ALK: variants seen among roughly 807,000 people sequenced by gnomAD.
ALK encodes the protein ALK tyrosine kinase receptor.
A neutral mutation model predicts 163.1 loss-of-function variants in ALK; 74 were observed. That is an observed-to-expected ratio of 0.45 (90% CI 0.38 to 0.55). ALK has a LOEUF of 0.55. ALK is among the 20% of genes least tolerant of loss of function. The pLI is 0.00. For missense variants in ALK, 2,063 were observed against 2,105.3 expected, an observed-to-expected ratio of 0.98 and a Z score of 0.39; for synonymous variants, 960 against 843.2, an observed-to-expected ratio of 1.14 and a Z score of -2.40.
chr2:29,768,281 G>T (rs1680918895), intron 1 of ALK, among the ~76,000 whole-genome samples: 1 of 152,210 alleles, frequency 6.6e-6, no homozygotes, highest in Admixed American at 6.5e-5. Context: ...TTAGAATTCT[G>T]GGTAAACGGG....
At chr2:29,782,375 A>T (rs1460936189) in intron 1 of ALK, among the ~76,000 whole-genome samples, 1 of 152,110 alleles carries the variant, frequency 6.6e-6, no homozygotes. Flanking sequence ...ATGGTCCCCA[A>T]GCTGGTCAGC....
chr2:29,220,640 T>C (rs2148166091), intron 23 of ALK, 66 bp downstream of exon 23: 1 of 1,609,526 alleles, frequency 6.2e-7, no homozygotes, highest in Non-Finnish European at 8.5e-7. Context: ...CTGCCCACTC[T>C]TGCTCCTTCC....
rs1436186209 is a variant in ALK at position 29,906,954 on chromosome 2, T to TG, written c.667+13038_667+13039insC. 6.1e-3 allele frequency among the ~76,000 whole-genome samples: 862 copies of TG among 141,598 alleles called. 7 individuals are homozygous for TG. The highest frequency in any genetic ancestry group is 0.021 in the African/African-American group (801 of 38,178). 92.9% of individuals were successfully genotyped at this position (141,598 alleles called of 152,430 possible). A position where few individuals can be genotyped will look rare whatever the true frequency, so the allele number is the denominator to read the frequency against. Reference sequence around the variant, plus strand: ...CATTTAAGGTTTTTTTTTTTTTTTTTTTTTTTTTTTTTTGAGACAGAATCT... The same window carrying TG: ...CATTTAAGGTTTTTTTTTTTTTTTTTGTTTTTTTTTTTTTGAGACAGAATCT... On this transcript the variant is annotated intron_variant, in intron 1 of 28. Transcript: ENST00000389048.
chr2:29,455,900 C>T (rs1670938852), intron 4 of ALK, among the ~76,000 whole-genome samples: 1 of 152,240 alleles, frequency 6.6e-6, no homozygotes, highest in African/African-American at 2.4e-5. Context: ...TGTGGTTTTC[C>T]CGAGGTCCCT....
At position 29,246,858 on chromosome 2, in the gene ALK, C is replaced by T. The variant is rs549927259; in HGVS notation, c.2204+4247G>A. Among the ~76,000 whole-genome samples the T allele has an allele frequency of 6.6e-6, 1 of 152,300 alleles. No individual in the cohort carries two copies. Among genetic ancestry groups the T allele is most frequent in the South Asian group, 2.1e-4 (1 of 4,820 alleles). ...CCAGGCCGTTTCTCTCACTTCCACC[C>T]TCATGCTTTCACCAGGGGGAGCGAG... On this transcript the variant is annotated intron_variant, in intron 12 of 28. Coordinates refer to ENST00000389048, the MANE Select transcript of ALK (RefSeq NM_004304.5). The surrounding 1 kb of genome is among the most constrained non-coding windows in gnomAD (Gnocchi z 4.3).
intron 1 of ALK, among the ~76,000 whole-genome samples, chr2:29,901,338 T>C (rs1359958010): frequency 6.6e-6 from 1 of 152,252 alleles, no homozygotes; most frequent in African/African-American, 2.4e-5. Context: ...TCTGAGGTCA[T>C]GTCTGATATT....
intron 8 of ALK, among the ~76,000 whole-genome samples, chr2:29,316,684 C>T (rs189937949): frequency 3.3e-5 from 5 of 152,274 alleles, no homozygotes; most frequent in Admixed American, 3.3e-4. Flanking sequence ...TTTCTAGGTA[C>T]CTGCTCTCAG....
At chr2:29,396,361 G>A (rs1007496875) in intron 4 of ALK, among the ~76,000 whole-genome samples, 4 of 152,244 alleles carry the variant, frequency 2.6e-5, no homozygotes, top group African/African-American at 7.2e-5. Flanking sequence ...TCTACACCCC[G>A]TGTCAGGAAT....
chr2:29,415,415 A>G (rs893322920), intron 4 of ALK, among the ~76,000 whole-genome samples: 2 of 151,884 alleles, frequency 1.3e-5, no homozygotes, highest in African/African-American at 2.4e-5. Flanking sequence ...TCTCTAATCC[A>G]CTGTCTTCTG....
At chr2:29,489,212 G>A (rs943147885) in intron 4 of ALK, among the ~76,000 whole-genome samples, 6 of 152,154 alleles carry the variant, frequency 3.9e-5, no homozygotes, top group Non-Finnish European at 8.8e-5. Flanking sequence ...CCTAAGGCTT[G>A]GCATGATGTC....
intron 3 of ALK, among the ~76,000 whole-genome samples, chr2:29,601,490 G>A (rs777263257): frequency 9.9e-5 from 15 of 152,180 alleles, no homozygotes; most frequent in African/African-American, 3.1e-4. Flanking sequence ...GTAACAAAGG[G>A]AAGCAGGTGC....
chr2:29,322,266 C>T (rs1255862599), intron 6 of ALK, among the ~76,000 whole-genome samples: 3 of 152,186 alleles, frequency 2.0e-5, no homozygotes, highest in Non-Finnish European at 4.4e-5. Flanking sequence ...TACTCATTTC[C>T]CCCAGATTCT....
intron 12 of ALK, among the ~76,000 whole-genome samples, chr2:29,247,038 C>T (rs1389343708): frequency 6.6e-6 from 1 of 152,232 alleles, no homozygotes; most frequent in African/African-American, 2.4e-5. Flanking sequence ...GTAGACAATG[C>T]TTAGGGCCTT....
intron 8 of ALK, among the ~76,000 whole-genome samples, chr2:29,303,214 C>G (rs1666417930): frequency 6.6e-6 from 1 of 151,954 alleles, no homozygotes; most frequent in African/African-American, 2.4e-5. Context: ...TGCCCTTTGT[C>G]TGGGCAAAGG....
intron 5 of ALK, among the ~76,000 whole-genome samples, chr2:29,351,434 T>C (rs919903627): frequency 2.0e-5 from 3 of 152,080 alleles, no homozygotes; most frequent in African/African-American, 7.2e-5. Flanking sequence ...AACTGCATGC[T>C]CACTCCTCCT....
chr2:29,558,788 C>A (rs1673933748), intron 3 of ALK, among the ~76,000 whole-genome samples: 1 of 152,120 alleles, frequency 6.6e-6, no homozygotes, highest in Non-Finnish European at 1.5e-5. Context: ...GCATGAACTA[C>A]CATTTGTTCA....
At position 29,380,105 on chromosome 2, in the gene ALK, CTT is replaced by C. The variant is rs200374527; in HGVS notation, c.1282+3625_1282+3626del. Among the ~76,000 whole-genome samples the C allele has an allele frequency of 0.031, 4,299 of 137,704 alleles. 285 individuals are homozygous for C. The East Asian group carries it at 0.32, about 10-fold the overall frequency. 90.3% of individuals were successfully genotyped at this position (137,704 alleles called of 152,430 possible). ...AGAGCAATGAGGAAGGTGCTGCACA[CTT>C]TTTTTTTTTTTTTTTTTAAGACAGA... On this transcript the variant is annotated intron_variant, in intron 5 of 28. Coordinates refer to ENST00000389048, the MANE Select transcript of ALK (RefSeq NM_004304.5).
chr2:29,510,466 T>C (rs912270094), intron 4 of ALK, among the ~76,000 whole-genome samples: 1 of 152,328 alleles, frequency 6.6e-6, no homozygotes, highest in African/African-American at 2.4e-5. Context: ...GCTCAGTTCA[T>C]CTTTTTTGGG....
chr2:29,502,913 G>A (rs1230676875), intron 4 of ALK, among the ~76,000 whole-genome samples: 1 of 152,172 alleles, frequency 6.6e-6, no homozygotes, highest in Non-Finnish European at 1.5e-5. Context: ...AGAGTAAACA[G>A]GTATGCAGTG....
Sources: gnomAD v4.1 joint callset for allele counts (sites outside exome capture counted in the v4.1 genomes callset) on GRCh38, gnomAD v4.1.1 for gene constraint, Gnocchi (gnomAD v3.1) non-coding constraint, MANE v1.5 for transcripts, NCBI Gene and HGNC (gene_info 2026-07-23, HGNC 2026-07-21) for gene names.